WDR27: variants seen among roughly 807,000 people sequenced by gnomAD.
WDR27 encodes WD repeat domain 27.
A neutral mutation model predicts 114.4 loss-of-function variants in WDR27; 100 were observed. That is an observed-to-expected ratio of 0.87 (90% CI 0.74 to 1.03). The LOEUF is 1.03. Among genes scored for constraint, WDR27 ranks in the 50% least tolerant of loss-of-function variants. The pLI, the probability that WDR27 is intolerant of heterozygous loss-of-function variation, is 0.00. For synonymous variants in WDR27, 449 were observed against 423.1 expected (o/e 1.06, Z -0.75); for missense variants, 1,129 against 1,092.9 (o/e 1.03, Z -0.47).
intron 25 of WDR27, among the ~76,000 whole-genome samples, chr6:169,552,141 C>A (rs939951921): frequency 6.6e-6 from 1 of 152,168 alleles, no homozygotes; most frequent in African/African-American, 2.4e-5. Flanking sequence ...AGCATCCAGG[C>A]TCCATCCTGC....
At chr6:169,647,128 G>C (rs1267722588) in intron 16 of WDR27, among the ~76,000 whole-genome samples, 1 of 152,172 alleles carries the variant, frequency 6.6e-6, no homozygotes, top group African/African-American at 2.4e-5. Flanking sequence ...CTGAGGTCAA[G>C]AGGTCAAGAG....
At chr6:169,481,333 C>T (rs568212651) in intron 25 of WDR27, among the ~76,000 whole-genome samples, 48 of 152,298 alleles carry the variant, frequency 3.2e-4, no homozygotes, top group Non-Finnish European at 6.0e-4. Flanking sequence ...GACCAATCAG[C>T]GCTCTGTAAA....
chr6:169,518,544 G>A (rs1022804283), intron 25 of WDR27, among the ~76,000 whole-genome samples: 2 of 152,250 alleles, frequency 1.3e-5, no homozygotes, highest in African/African-American at 4.8e-5. Context: ...CCTAGATGCA[G>A]GCAGCACTGT....
chr6:169,701,627 G>A lies in WDR27; in HGVS notation c.-84C>T. ...TCTCAAGCGGCCGCCCGGATGCTCC[G>A]GCCCGACTTGTGCCCCGAATTCCCC... On this transcript the variant is annotated 5_prime_UTR_variant, in exon 1 of 26. Coordinates refer to ENST00000448612, the MANE Select transcript of WDR27 (RefSeq NM_182552.5). 1 of 162,530 alleles carries A rather than the reference G, an allele frequency of 6.2e-6. No individual in the cohort carries two copies. The highest frequency in any genetic ancestry group is 1.3e-5 in the Non-Finnish European group (1 of 74,076). The allele number at this position is 162,530 out of a possible 1,614,324, so 10.1% of individuals were successfully genotyped here.
intron 25 of WDR27, among the ~76,000 whole-genome samples, chr6:169,562,551 G>C (rs979454776): frequency 6.6e-6 from 1 of 152,112 alleles, no homozygotes; most frequent in Non-Finnish European, 1.5e-5. Context: ...AGAACAGAAG[G>C]GGGGCCCAAG....
chr6:169,602,089 G>A, intron 23 of WDR27, 130 bp downstream of exon 23: 3 of 548,258 alleles, frequency 5.5e-6, no homozygotes, highest in Non-Finnish European at 6.3e-6. Flanking sequence ...TACTGTGTAA[G>A]AGTCTTAAAA....
chr6:169,630,009 A>C lies in WDR27; in HGVS notation c.2223+2938T>G, dbSNP rs185128122. 2.2e-3 allele frequency among the ~76,000 whole-genome samples: 340 copies of C among 152,228 alleles called. 2 individuals are homozygous for C. Among genetic ancestry groups the C allele is most frequent in the Non-Finnish European group, 4.1e-3 (277 of 68,012 alleles). ...AAGATTCATTTATCTTCACGACTGA[A>C]ATTTTTAAACTCAAGAATGACAATG... is the stretch of plus-strand genomic sequence containing the variant. On this transcript the variant is annotated intron_variant, in intron 21 of 25. Coordinates refer to ENST00000448612, the MANE Select transcript of WDR27 (RefSeq NM_182552.5).
Position 169,689,010 on chromosome 6 carries a change from A to G in WDR27, c.-5T>C, listed in dbSNP as rs1783781326. The stretch of plus-strand genomic sequence containing the variant: ...AATGTCTTGGGGATTTTCCATCTTC[A>G]ATCTGAAAACAAAAAGTACATATAA... On this transcript the variant is annotated splice_region_variant and 5_prime_UTR_variant, in exon 2 of 26. An upstream open reading frame in the 5' UTR loses its in-frame stop. Transcript: ENST00000448612. 6.2e-7 allele frequency: 1 copy of G among 1,607,752 alleles called. No individual in the cohort carries two copies. Among genetic ancestry groups the G allele is most frequent in the Non-Finnish European group, 8.5e-7 (1 of 1,176,956 alleles).
intron 25 of WDR27, among the ~76,000 whole-genome samples, chr6:169,497,556 C>CAA (rs35202332): frequency 4.8e-4 from 70 of 145,504 alleles, no homozygotes; most frequent in African/African-American, 1.7e-3. Flanking sequence ...CCTAAAACTA[C>CAA]AAAAAAAAAA....
At chr6:169,565,313 A>G (rs973287346) in intron 25 of WDR27, among the ~76,000 whole-genome samples, 7 of 152,208 alleles carry the variant, frequency 4.6e-5, no homozygotes, top group Non-Finnish European at 8.8e-5. Context: ...GTCACTCACC[A>G]GAAGACTAAA....
chr6:169,557,660 G>A (rs965661779), intron 25 of WDR27, among the ~76,000 whole-genome samples: 3 of 152,136 alleles, frequency 2.0e-5, no homozygotes, highest in Non-Finnish European at 2.9e-5. Flanking sequence ...AGCTGGGCAT[G>A]GTGGCCCACA....
chr6:169,701,480 C>G (rs926101323), intron 1 of WDR27, 71 bp downstream of exon 1: 4 of 152,426 alleles, frequency 2.6e-5, no homozygotes, highest in African/African-American at 9.7e-5. Context: ...CTGGTTCGTT[C>G]CTAAACTACT....
At chr6:169,633,104 TC>T in intron 20 of WDR27, 36 bp from the exon 21 acceptor site, 2 of 1,559,954 alleles carry the variant, frequency 1.3e-6, no homozygotes, top group Non-Finnish European at 1.8e-6. Context: ...TTCTCAACAC[TC>T]TTACCCATGG....
chr6:169,544,001 G>T (rs1797132747), intron 25 of WDR27, among the ~76,000 whole-genome samples: 1 of 152,108 alleles, frequency 6.6e-6, no homozygotes, highest in Admixed American at 6.5e-5. Context: ...ACAAGCTAAA[G>T]AAGAAAAATT....
chr6:169,509,065 C>A (rs1251853984), intron 25 of WDR27, among the ~76,000 whole-genome samples: 1 of 152,096 alleles, frequency 6.6e-6, no homozygotes, highest in East Asian at 1.9e-4. Context: ...AGGAATCCAA[C>A]TTATAAGGGA....
At chr6:169,563,198 G>A (rs1055683858) in intron 25 of WDR27, among the ~76,000 whole-genome samples, 5 of 152,086 alleles carry the variant, frequency 3.3e-5, no homozygotes, top group African/African-American at 7.2e-5. Flanking sequence ...TGTGGCCTCC[G>A]AGGCTGCTCT....
chr6:169,608,421 A>G (rs1336579279), intron 22 of WDR27, among the ~76,000 whole-genome samples: 1 of 152,156 alleles, frequency 6.6e-6, no homozygotes, highest in Non-Finnish European at 1.5e-5. Flanking sequence ...GTTTAATTAA[A>G]CTTACAGTTG....
chr6:169,661,092 T>C (rs536330626), intron 9 of WDR27, among the ~76,000 whole-genome samples: 1 of 152,344 alleles, frequency 6.6e-6, no homozygotes, highest in South Asian at 2.1e-4. Context: ...TTCTTGCCAG[T>C]GAGAACCACA....
At chr6:169,459,245 A>G (rs1221281353) in intron 25 of WDR27, among the ~76,000 whole-genome samples, 1 of 152,200 alleles carries the variant, frequency 6.6e-6, no homozygotes, top group East Asian at 1.9e-4. Flanking sequence ...ACAAAATGGA[A>G]ATATCAATAA....
Sources: allele counts gnomAD v4.1 joint callset (sites outside exome capture counted in the v4.1 genomes callset), GRCh38; gene constraint gnomAD v4.1.1; transcripts MANE v1.5; gene names NCBI Gene and HGNC (gene_info 2026-07-23, HGNC 2026-07-21).